ADA2: variants seen among roughly 807,000 people sequenced by gnomAD.
ADA2 encodes adenosine deaminase 2.
In ADA2, 29 loss-of-function variants were observed where a neutral mutation model predicts 44.2. That is an observed-to-expected ratio of 0.66 (90% CI 0.49 to 0.89). ADA2 has a LOEUF of 0.89. Among genes scored for constraint, ADA2 ranks in the 40% least tolerant of loss-of-function variants. The probability of loss-of-function intolerance (pLI) is 0.00; values close to 1 mark genes in which losing one functional copy is unlikely to be tolerated. For missense variants in ADA2, 637 were observed against 644.8 expected (o/e 0.99, Z 0.13); for synonymous variants, 215 against 234.9 (o/e 0.92, Z 0.77).
At position 17,190,717 on chromosome 22, in the gene ADA2, C is replaced by G. The variant is rs79286561; in HGVS notation, c.882-685G>C. ...GCCTCTCCCCAGAGCCTAGGCAAAC[C>G]TGGGGGCACTGATGCACTCAGCTCA... On this transcript the variant is annotated intron_variant, in intron 5 of 9. Transcript: ENST00000399837. 8.2e-3 allele frequency among the ~76,000 whole-genome samples: 1,249 copies of G among 152,338 alleles called. 26 individuals carry two copies. Among genetic ancestry groups the G allele is most frequent in the African/African-American group, 0.029 (1,202 of 41,578 alleles).
upstream of ADA2, among the ~76,000 whole-genome samples, chr22:17,220,024 G>A (rs1426093068): frequency 2.0e-5 from 3 of 152,102 alleles, no homozygotes; most frequent in African/African-American, 7.2e-5. Flanking sequence ...GTGTTTGTGT[G>A]TACTGTGTCT....
intron 4 of ADA2, among the ~76,000 whole-genome samples, chr22:17,197,569 C>A (rs1418575358): frequency 1.3e-5 from 2 of 152,178 alleles, no homozygotes; most frequent in African/African-American, 2.4e-5. Context: ...CTGCACCTGG[C>A]CAGTACTGGC....
At chr22:17,196,410 G>A (rs571000906) in intron 4 of ADA2, among the ~76,000 whole-genome samples, 35 of 151,798 alleles carry the variant, frequency 2.3e-4, no homozygotes, top group African/African-American at 4.1e-4. Context: ...AATAAAAGGC[G>A]TTTGAAATTA....
rs1287567080 is a variant in ADA2 at position 17,209,504 on chromosome 22, C to A, written c.174G>T (p.Leu58=). The A allele has an allele frequency of 9.9e-6, 16 of 1,614,142 alleles. No homozygotes were observed. The highest frequency in any genetic ancestry group is 1.3e-5 in the Non-Finnish European group (15 of 1,180,022). ...GRLVLNTKEE[L]ANERLMTLKI... is the part of the protein sequence containing the mutation. ...TGAGCGTCATGAGCCTCTCATTGGC[C>A]AGCTCCTCCTTGGTGTTCAGCACCA... The change falls in exon 2 of 10, where the codon CTG becomes CTT. Residue 58 remains leucine, a synonymous_variant. Coordinates refer to ENST00000399837, the MANE Select transcript of ADA2 (RefSeq NM_001282225.2).
In ADA2 at chr22:17,207,058, A is replaced by AACT. The variant is rs2062360255; in HGVS notation, c.542+10_542+12dup. Reference sequence around the variant, plus strand: ...ACAGGCCTGGGACATGTGCTTTCTGAACTACTACTCACCTGTCATCAAACT... The same window carrying AACT: ...ACAGGCCTGGGACATGTGCTTTCTGAACTACTACTACTCACCTGTCATCAAACT... On this transcript the variant is annotated intron_variant, in intron 3 of 9. Coordinates refer to ENST00000399837, the MANE Select transcript of ADA2 (RefSeq NM_001282225.2). 6.2e-7 allele frequency: 1 copy of AACT among 1,605,918 alleles called. No individual in the cohort carries two copies. The highest frequency in any genetic ancestry group is 8.5e-7 in the Non-Finnish European group (1 of 1,172,908).
At chr22:17,217,914 G>A (rs1197095796) in intron 1 of ADA2, among the ~76,000 whole-genome samples, 1 of 152,148 alleles carries the variant, frequency 6.6e-6, no homozygotes, top group East Asian at 1.9e-4. Flanking sequence ...CTGTAAATTA[G>A]GAGACCTTAG....
rs189570264 is a variant in ADA2, at chr22:17,181,031, G to A, written c.*452C>T. ...CACATGCCTATAATTCCAACTACTC[G>A]CGAGGCTGATGCAAGAGAATTGCCT... is the stretch of plus-strand genomic sequence containing the variant. On this transcript the variant is annotated 3_prime_UTR_variant, in exon 10 of 10. Transcript: ENST00000399837. The A allele has an allele frequency of 1.6e-3, 244 of 153,324 alleles. No homozygotes were observed. The highest frequency in any genetic ancestry group is 2.5e-3 in the Non-Finnish European group (173 of 68,814). 9.5% of individuals were successfully genotyped at this position (153,324 alleles called of 1,614,324 possible).
chr22:17,210,630 C>T (rs1201429676), intron 1 of ADA2, among the ~76,000 whole-genome samples: 3 of 151,810 alleles, frequency 2.0e-5, no homozygotes, highest in Non-Finnish European at 4.4e-5. Flanking sequence ...CAGAGTCTTG[C>T]TCTGTCACCC....
At chr22:17,190,105 C>T (rs1202291559) in intron 5 of ADA2, 73 bp from the exon 6 acceptor site, 20 of 1,226,270 alleles carry the variant, frequency 1.6e-5, no homozygotes, top group African/African-American at 1.2e-4. Flanking sequence ...GCACACCCTC[C>T]GTGCAGGGCT....
intron 4 of ADA2, among the ~76,000 whole-genome samples, chr22:17,199,992 C>A (rs112091075): frequency 6.6e-6 from 1 of 152,006 alleles, no homozygotes; most frequent in East Asian, 1.9e-4. Flanking sequence ...GTCGTGAGTT[C>A]GAAACCAGCC....
intron 1 of ADA2, among the ~76,000 whole-genome samples, chr22:17,215,906 C>T (rs1322318664): frequency 6.6e-6 from 1 of 151,644 alleles, no homozygotes; most frequent in Non-Finnish European, 1.5e-5. Flanking sequence ...TGAAGACTGG[C>T]CTGGGCAACA....
intron 7 of ADA2, among the ~76,000 whole-genome samples, chr22:17,185,737 A>G (rs1485037533): frequency 1.3e-5 from 2 of 152,126 alleles, no homozygotes; most frequent in African/African-American, 4.8e-5. Flanking sequence ...CAGGAAAAAG[A>G]GATTAATGCA....
intron 2 of ADA2, among the ~76,000 whole-genome samples, chr22:17,207,874 GC>G (rs1447541741): frequency 1.3e-5 from 2 of 152,038 alleles, no homozygotes; most frequent in Non-Finnish European, 2.9e-5. Context: ...CCTGCGCTGG[GC>G]CTGTGTCTGT....
intron 4 of ADA2, among the ~76,000 whole-genome samples, chr22:17,194,723 G>A (rs2062168607): frequency 6.6e-6 from 1 of 151,824 alleles, no homozygotes. Flanking sequence ...GCCAGAGCGT[G>A]CCAGAAGGAA....
At chr22:17,199,539 T>C in intron 4 of ADA2, 1 of 1,605,432 alleles carries the variant, frequency 6.2e-7, no homozygotes, top group Non-Finnish European at 8.5e-7. Context: ...AACAGGAAGT[T>C]CTCCCCTACC....
intron 7 of ADA2, among the ~76,000 whole-genome samples, chr22:17,183,465 T>A (rs1237011169): frequency 6.9e-6 from 1 of 145,372 alleles, no homozygotes; most frequent in Non-Finnish European, 1.5e-5. Context: ...TCTTTTTTTT[T>A]TTTTTTTTTT....
chr22:17,204,659 G>A (rs1312642529), intron 3 of ADA2, among the ~76,000 whole-genome samples: 1 of 151,716 alleles, frequency 6.6e-6, no homozygotes, highest in Non-Finnish European at 1.5e-5. Flanking sequence ...CACATACAGA[G>A]GAAAGGCCAT....
At chr22:17,216,276 G>T (rs2062470120) in intron 1 of ADA2, among the ~76,000 whole-genome samples, 1 of 151,846 alleles carries the variant, frequency 6.6e-6, no homozygotes, top group East Asian at 1.9e-4. Flanking sequence ...GAGGTGGGAG[G>T]ATCACTTGAG....
rs758370176 is a variant in ADA2, at chr22:17,188,388, G to A, written c.1032C>T (p.Pro344=). The A allele has an allele frequency of 1.6e-5, 26 of 1,613,996 alleles. No individual in the cohort carries two copies. Among genetic ancestry groups the A allele is most frequent in the Admixed American group, 5.0e-5 (3 of 60,002 alleles). ...LHDYKEALMI[P]AKDGVKLPYF... ...AAGGCAGCTTAACGCCATCCTTGGC[G>A]GGGATCATCAGAGCTTCCTTGTAGT... Residue 344 remains proline, a synonymous_variant, in exon 7 of 10, where the codon CCC becomes CCT. Coordinates refer to ENST00000399837, the MANE Select transcript of ADA2 (RefSeq NM_001282225.2).
Sources: allele counts gnomAD v4.1 joint callset (sites outside exome capture counted in the v4.1 genomes callset), GRCh38; gene constraint gnomAD v4.1.1; transcripts MANE v1.5; gene names NCBI Gene and HGNC (gene_info 2026-07-23, HGNC 2026-07-21).